Variants in PARP8 observed in about 807,000 individuals in gnomAD.
PARP8 encodes poly(ADP-ribose) polymerase family member 8, also known as protein mono-ADP-ribosyltransferase PARP8.
A neutral mutation model predicts 124.1 loss-of-function variants in PARP8; 51 were observed. The ratio of observed to expected loss-of-function variants is 0.41; its 90% CI spans 0.33 to 0.52. The LOEUF is 0.52. Ranked by LOEUF, PARP8 falls within the 20% of genes least tolerant of loss-of-function variation. The pLI, the probability that PARP8 is intolerant of heterozygous loss-of-function variation, is 0.21. For missense variants in PARP8, 860 were observed against 1,018.9 expected, an observed-to-expected ratio of 0.84 and a Z score of 2.12; for synonymous variants, 391 against 361.5, an observed-to-expected ratio of 1.08 and a Z score of -0.93.
intron 25 of PARP8, 116 bp from the exon 26 acceptor site, chr5:50,841,850 A>G: frequency 1.5e-6 from 1 of 651,956 alleles, no homozygotes. Flanking sequence ...AAACAACCGT[A>G]TAATTTGCTT....
intron 2 of PARP8, among the ~76,000 whole-genome samples, chr5:50,723,575 A>G (rs754154362): frequency 2.0e-5 from 3 of 151,994 alleles, no homozygotes; most frequent in Non-Finnish European, 4.4e-5. Context: ...TTTTTGTGCT[A>G]ATTGTGTCAC....
Position 50,826,751 on chromosome 5 carries a change from TC to T in PARP8, c.1929-3del. The T allele has an allele frequency of 6.3e-7, 1 of 1,580,120 alleles. No homozygotes were observed. The highest frequency in any genetic ancestry group is 1.9e-5 in the Admixed American group (1 of 51,586). On this transcript the variant is annotated splice_region_variant and splice_polypyrimidine_tract_variant and intron_variant, in intron 18 of 25. Coordinates refer to ENST00000281631, the MANE Select transcript of PARP8 (RefSeq NM_024615.4). ...TTGTGACTAATGGATCATTTTAATTTCAGGGTTATATCAAGTAATAGATCAC... is the reference window on the plus strand; with the variant it reads ...TTGTGACTAATGGATCATTTTAATTTAGGGTTATATCAAGTAATAGATCAC...
intron 3 of PARP8, 117 bp downstream of exon 3, chr5:50,750,305 A>G (rs282553): frequency 0.87 from 707,507 of 809,592 alleles, 310,526 homozygotes; most frequent in East Asian, 0.95. Context: ...TGGTAGAGGA[A>G]GCCTTAAAGC....
chr5:50,703,818 G>A (rs956295282), intron 2 of PARP8, among the ~76,000 whole-genome samples: 1 of 151,986 alleles, frequency 6.6e-6, no homozygotes, highest in Non-Finnish European at 1.5e-5. Flanking sequence ...GGCTGAGGTG[G>A]GAGGATTGTT....
At chr5:50,831,649 C>A (rs1184237247) in intron 22 of PARP8, among the ~76,000 whole-genome samples, 1 of 152,048 alleles carries the variant, frequency 6.6e-6, no homozygotes, top group East Asian at 1.9e-4. Context: ...AATACATTCT[C>A]AGCATAAAGA....
At chr5:50,735,933 T>A (rs1757424578) in intron 2 of PARP8, among the ~76,000 whole-genome samples, 1 of 149,264 alleles carries the variant, frequency 6.7e-6, no homozygotes, top group Admixed American at 6.7e-5. Flanking sequence ...ATGAGTAGGA[T>A]CAAGCCAGGA....
intron 3 of PARP8, among the ~76,000 whole-genome samples, chr5:50,758,834 A>C (rs1760239314): frequency 2.0e-5 from 3 of 151,560 alleles, no homozygotes; most frequent in Admixed American, 2.0e-4. Context: ...AAGAGTGCTA[A>C]ACTCATAAAA....
In PARP8 at chr5:50,680,129, G is replaced by T. The variant is rs530177942; in HGVS notation, c.146+12004G>T. Among the ~76,000 whole-genome samples, 142 of 152,244 alleles carry T rather than the reference G, an allele frequency of 9.3e-4. 2 individuals are homozygous for T. The South Asian group carries it at 0.012, about 13-fold the overall frequency. ...ACTGTCATAAATGGAAAGCTGTACA[G>T]ATTCTGTGGGAGAGGATACTGGAGT... On this transcript the variant is annotated intron_variant, in intron 2 of 25. Coordinates refer to ENST00000281631, the MANE Select transcript of PARP8 (RefSeq NM_024615.4).
At position 50,759,679 on chromosome 5, in the gene PARP8, A is replaced by G; in HGVS notation, c.221A>G (p.Asp74Gly). The change falls in exon 4 of 26, where the codon GAT (aspartate) becomes GGT (glycine). Residue 74 changes from aspartate (D) to glycine (G), a missense_variant. Transcript: ENST00000281631. ...TYVSSSENDE[D>G]VLVTTEPIPV... ...GTGTCAAGTTCAGAGAATGATGAAGATGTGCTAGTTACTACAGAGCCAATA... is the reference window on the plus strand; with the variant it reads ...GTGTCAAGTTCAGAGAATGATGAAGGTGTGCTAGTTACTACAGAGCCAATA... 6.3e-7 allele frequency: 1 copy of G among 1,578,862 alleles called. No homozygotes were observed. Among genetic ancestry groups the G allele is most frequent in the Non-Finnish European group, 8.6e-7 (1 of 1,167,458 alleles).
chr5:50,678,622 A>G (rs1750915701), intron 2 of PARP8, among the ~76,000 whole-genome samples: 1 of 152,228 alleles, frequency 6.6e-6, no homozygotes, highest in Non-Finnish European at 1.5e-5. Context: ...GCTTGTTAAC[A>G]TAAACTATCG....
intron 9 of PARP8, among the ~76,000 whole-genome samples, chr5:50,780,013 T>C (rs1274424770): frequency 6.6e-6 from 1 of 152,184 alleles, no homozygotes; most frequent in African/African-American, 2.4e-5. Flanking sequence ...TATATAAATA[T>C]GTAATAAGAA....
intron 2 of PARP8, among the ~76,000 whole-genome samples, chr5:50,747,150 G>GTTTTTTTTTTTTTTT (rs1561320439): frequency 2.6e-5 from 1 of 38,482 alleles, no homozygotes; most frequent in African/African-American, 7.0e-5. Flanking sequence ...GGTTTTTTTT[G>GTTTTTTTTTTTTTTT]TTTGTTTGTT....
intron 9 of PARP8, among the ~76,000 whole-genome samples, chr5:50,779,734 A>T (rs981286468): frequency 6.6e-6 from 1 of 152,200 alleles, no homozygotes; most frequent in Admixed American, 6.5e-5. Flanking sequence ...TCTGACACAC[A>T]TGTTACTATG....
chr5:50,691,101 G>A (rs752147621), intron 2 of PARP8, among the ~76,000 whole-genome samples: 4 of 152,136 alleles, frequency 2.6e-5, no homozygotes, highest in Non-Finnish European at 5.9e-5. Context: ...GCCTGATACC[G>A]CAAATCCACT....
At chr5:50,746,504 T>C (rs1057070173) in intron 2 of PARP8, among the ~76,000 whole-genome samples, 10 of 152,144 alleles carry the variant, frequency 6.6e-5, no homozygotes, top group African/African-American at 2.4e-4. Context: ...ACATGACACT[T>C]TTGTACAGTC....
chr5:50,755,849 T>C (rs1323637001), intron 3 of PARP8, among the ~76,000 whole-genome samples: 1 of 152,236 alleles, frequency 6.6e-6, no homozygotes, highest in African/African-American at 2.4e-5. Context: ...TATCCTCTTT[T>C]ATTTTGTTCA....
intron 2 of PARP8, among the ~76,000 whole-genome samples, chr5:50,694,918 GT>G (rs1752864538): frequency 6.6e-6 from 1 of 152,178 alleles, no homozygotes. Flanking sequence ...GGAGTGTAAT[GT>G]TCTAGTCTGA....
intron 2 of PARP8, among the ~76,000 whole-genome samples, chr5:50,679,753 G>A (rs574509819): frequency 2.0e-5 from 3 of 152,272 alleles, no homozygotes; most frequent in African/African-American, 7.2e-5. Flanking sequence ...TGCTGACAGT[G>A]GCAGATAAAT....
intron 2 of PARP8, among the ~76,000 whole-genome samples, chr5:50,675,524 C>G (rs879650976): frequency 2.6e-5 from 4 of 152,186 alleles, no homozygotes; most frequent in Admixed American, 2.6e-4. Flanking sequence ...CCAGGTTGGT[C>G]TCGAACTCAG....
Sources: gnomAD v4.1 joint callset for allele counts (sites outside exome capture counted in the v4.1 genomes callset) on GRCh38, gnomAD v4.1.1 for gene constraint, MANE v1.5 for transcripts, NCBI Gene and HGNC (gene_info 2026-07-23, HGNC 2026-07-21) for gene names.